Variants in PRDM15 observed in about 807,000 individuals in gnomAD.
The protein encoded by PRDM15 is PR/SET domain 15, also known as PR domain zinc finger protein 15.
Under a neutral mutation model 128.6 loss-of-function variants are expected in PRDM15, and 64 were observed. The ratio of observed to expected loss-of-function variants is 0.50; its 90% CI spans 0.41 to 0.61. The LOEUF (loss-of-function observed/expected upper bound fraction) is 0.61, where lower values mean the gene tolerates loss of function less well. PRDM15 is among the 20% of genes least tolerant of loss of function. The probability of loss-of-function intolerance (pLI) is 0.00; values close to 1 mark genes in which losing one functional copy is unlikely to be tolerated. For missense variants in PRDM15, 1,242 were observed against 1,569.1 expected, an observed-to-expected ratio of 0.79 and a Z score of 3.52; for synonymous variants, 615 against 621.8, an observed-to-expected ratio of 0.99 and a Z score of 0.16.
intron 21 of PRDM15, among the ~76,000 whole-genome samples, chr21:41,807,716 G>A (rs751993494): frequency 2.0e-5 from 3 of 152,228 alleles, no homozygotes; most frequent in Non-Finnish European, 2.9e-5. Flanking sequence ...TTGAGTTAAT[G>A]TAGAGGGAAA....
In PRDM15 at chr21:41,836,149, T is replaced by A. The variant is rs1367138660; in HGVS notation, c.1242A>T (p.Leu414=). 1 of 1,614,032 alleles carries A rather than the reference T, an allele frequency of 6.2e-7. No homozygotes were observed. The highest frequency in any genetic ancestry group is 8.5e-7 in the Non-Finnish European group (1 of 1,179,962). ...CAKLFSRKES[L]KQHVSYKHSR... is the part of the protein sequence containing the mutation. ...TGTGCTTGTAGGAAACGTGCTGCTTTAGGCTCTCTTTGCGGCTGAACAATT... is the reference window on the plus strand; with the variant it reads ...TGTGCTTGTAGGAAACGTGCTGCTTAAGGCTCTCTTTGCGGCTGAACAATT... The change falls in exon 10 of 24, where the codon CTA becomes CTT. Residue 414 remains leucine, a synonymous_variant. Transcript: ENST00000398548.
In PRDM15 at chr21:41,835,399, G is replaced by A. The variant is rs772262122; in HGVS notation, c.1366+38C>T. 1.4e-5 allele frequency: 22 copies of A among 1,551,018 alleles called. No homozygotes were observed. The East Asian group carries it at 2.0e-4, about 14-fold the overall frequency. On this transcript the variant is annotated intron_variant, in intron 11 of 23. Transcript: ENST00000398548. ...CCGCGGCGTATCTAGAATCCGTACC[G>A]CACAGCGGCCGAGGGGAGACGTGAC...
intron 11 of PRDM15, among the ~76,000 whole-genome samples, chr21:41,833,485 T>TG: frequency 6.6e-6 from 1 of 152,330 alleles, no homozygotes; most frequent in African/African-American, 2.4e-5. Context: ...ATTCTTGGTT[T>TG]AATTCTTGGT....
chr21:41,803,148 T>C (rs879323262), intron 22 of PRDM15: 35 of 573,660 alleles, frequency 6.1e-5, no homozygotes, highest in Non-Finnish European at 1.0e-4. Context: ...CAAGTCATAT[T>C]TTTAAAAGTT....
chr21:41,856,862 C>T (rs1388661538), intron 4 of PRDM15, among the ~76,000 whole-genome samples: 1 of 152,220 alleles, frequency 6.6e-6, no homozygotes, highest in Admixed American at 6.5e-5. Flanking sequence ...CAAGACGCTG[C>T]CTCGTAAAGC....
At chr21:41,852,801 T>C (rs2063470705) in intron 5 of PRDM15, among the ~76,000 whole-genome samples, 1 of 152,186 alleles carries the variant, frequency 6.6e-6, no homozygotes, top group South Asian at 2.1e-4. Context: ...GGTTCAATAG[T>C]GGCTCCCCAA....
At chr21:41,839,533 C>A in intron 7 of PRDM15, 90 bp downstream of exon 7, 1 of 1,067,156 alleles carries the variant, frequency 9.4e-7, no homozygotes, top group Non-Finnish European at 1.4e-6. Context: ...AGTTTTCCCG[C>A]CCCGCCCTCT....
At chr21:41,864,906 C>T (rs2063946479) in intron 1 of PRDM15, among the ~76,000 whole-genome samples, 1 of 150,490 alleles carries the variant, frequency 6.6e-6, no homozygotes, top group African/African-American at 2.5e-5. Flanking sequence ...CCTCTCCAGC[C>T]ACGCTTCCCG....
At chr21:41,839,968 T>A in intron 6 of PRDM15, 115 bp from the exon 7 acceptor site, 1 of 775,868 alleles carries the variant, frequency 1.3e-6, no homozygotes, top group Non-Finnish European at 2.1e-6. Context: ...CCAACCTTTG[T>A]ATAGGCAAGT....
At chr21:41,871,697 A>T in intron 1 of PRDM15, 2 of 1,478,416 alleles carry the variant, frequency 1.4e-6, no homozygotes, top group Non-Finnish European at 1.8e-6. Flanking sequence ...GAAACATGAC[A>T]GAAACTAACA....
intron 21 of PRDM15, among the ~76,000 whole-genome samples, chr21:41,808,304 C>A (rs1196269646): frequency 6.6e-6 from 1 of 152,176 alleles, no homozygotes; most frequent in Non-Finnish European, 1.5e-5. Flanking sequence ...AGAAGGGAGG[C>A]AATGGAGCTC....
At chr21:41,815,641 C>A in intron 19 of PRDM15, 64 bp downstream of exon 19, 3 of 1,589,084 alleles carry the variant, frequency 1.9e-6, no homozygotes, top group Non-Finnish European at 2.6e-6. Context: ...TCTTCTCCCA[C>A]GGCCCACCTG....
At chr21:41,808,659 C>T (rs1030363121) in intron 21 of PRDM15, among the ~76,000 whole-genome samples, 1 of 152,244 alleles carries the variant, frequency 6.6e-6, no homozygotes, top group African/African-American at 2.4e-5. Flanking sequence ...TCTTTACCTA[C>T]CTCATTTATA....
At chr21:41,808,110 C>G (rs988022923) in intron 21 of PRDM15, among the ~76,000 whole-genome samples, 1 of 152,212 alleles carries the variant, frequency 6.6e-6, no homozygotes, top group Non-Finnish European at 1.5e-5. Flanking sequence ...TTTATCAATA[C>G]GCGGAAGTCT....
intron 11 of PRDM15, among the ~76,000 whole-genome samples, chr21:41,830,183 ACCC>A (rs1243096642): frequency 6.1e-5 from 9 of 148,548 alleles, no homozygotes; most frequent in South Asian, 2.2e-4. Context: ...CATTCAACAT[ACCC>A]CCAACACAAA....
chr21:41,865,417 C>T (rs949423625), intron 1 of PRDM15, among the ~76,000 whole-genome samples: 1 of 152,224 alleles, frequency 6.6e-6, no homozygotes, highest in Non-Finnish European at 1.5e-5. Flanking sequence ...CAGCCTTGCA[C>T]AGTGGGATAT....
chr21:41,835,582 A>G (rs1350361454), intron 10 of PRDM15, 58 bp from the exon 11 acceptor site: 2 of 1,469,170 alleles, frequency 1.4e-6, no homozygotes, highest in Non-Finnish European at 1.9e-6. Flanking sequence ...ACAGATGCCG[A>G]GCCCCCGACG....
intron 1 of PRDM15, chr21:41,863,174 GA>G (rs559037055): frequency 0.11 from 13,295 of 117,040 alleles, 629 homozygotes; most frequent in Middle Eastern, 0.17. Context: ...ACCTCAAAAA[GA>G]AAAAAAAAAA....
chr21:41,801,984 A>G (rs1010688467), intron 23 of PRDM15, among the ~76,000 whole-genome samples: 3 of 152,232 alleles, frequency 2.0e-5, no homozygotes, highest in Admixed American at 2.0e-4. Flanking sequence ...AGTAAGCACG[A>G]AAAAGACGGA....
Sources: gnomAD v4.1 joint callset for allele counts (sites outside exome capture counted in the v4.1 genomes callset) on GRCh38, gnomAD v4.1.1 for gene constraint, MANE v1.5 for transcripts, NCBI Gene and HGNC (gene_info 2026-07-23, HGNC 2026-07-21) for gene names.